The following AK5 variants were observed in gnomAD, a reference collection of about 807,000 sequenced individuals.
AK5 encodes adenylate kinase isoenzyme 5.
A neutral mutation model predicts 69.5 loss-of-function variants in AK5; 27 were observed. The ratio of observed to expected loss-of-function variants is 0.39; its 90% confidence interval spans 0.29 to 0.54. The LOEUF (loss-of-function observed/expected upper bound fraction) is 0.54. Among genes scored for constraint, AK5 ranks in the 20% least tolerant of loss-of-function variants. The pLI, the probability that AK5 is intolerant of heterozygous loss-of-function variation, is 0.71. For synonymous variants in AK5, 260 were observed against 244.4 expected, an observed-to-expected ratio of 1.06 and a Z score of -0.60; for missense variants, 531 against 700.4, an observed-to-expected ratio of 0.76 and a Z score of 2.73.
At chr1:77,305,699 A>G (rs961197840) in intron 5 of AK5, among the ~76,000 whole-genome samples, 1 of 152,082 alleles carries the variant, frequency 6.6e-6, no homozygotes, top group African/African-American at 2.4e-5. Flanking sequence ...TGATTGGTCT[A>G]TGTGTCTGTT....
At chr1:77,554,827 G>A (rs1454041617) in intron 13 of AK5, among the ~76,000 whole-genome samples, 6 of 146,304 alleles carry the variant, frequency 4.1e-5, no homozygotes, top group African/African-American at 7.6e-5. Context: ...CATGTTAGCC[G>A]GGATGGTCTC....
chr1:77,512,740 A>G (rs1347725119), intron 10 of AK5, among the ~76,000 whole-genome samples: 1 of 152,160 alleles, frequency 6.6e-6, no homozygotes, highest in African/African-American at 2.4e-5. Flanking sequence ...CACTATTCAC[A>G]ATAGCAAAGA....
chr1:77,549,964 T>TTTA (rs1557668948), intron 13 of AK5, among the ~76,000 whole-genome samples: 8 of 151,750 alleles, frequency 5.3e-5, no homozygotes, highest in Non-Finnish European at 1.0e-4. Flanking sequence ...TTATTTATTT[T>TTTA]TTTTTTTTAA....
chr1:77,312,904 C>T (rs1189311474), intron 5 of AK5, among the ~76,000 whole-genome samples: 3 of 151,984 alleles, frequency 2.0e-5, no homozygotes, highest in East Asian at 3.9e-4. Flanking sequence ...GGAGTGGTTT[C>T]GTGTCCCCAG....
intron 5 of AK5, among the ~76,000 whole-genome samples, chr1:77,304,959 G>A (rs1659555632): frequency 6.6e-6 from 1 of 152,090 alleles, no homozygotes; most frequent in Non-Finnish European, 1.5e-5. Flanking sequence ...CATAAACAGT[G>A]TACGAGGATT....
intron 6 of AK5, among the ~76,000 whole-genome samples, chr1:77,391,493 G>GTGTGTA (rs1557554379): frequency 6.2e-5 from 1 of 16,006 alleles, no homozygotes; most frequent in Non-Finnish European, 9.5e-5. Flanking sequence ...ATGTGTGTGT[G>GTGTGTA]TGTATATATA....
intron 8 of AK5, among the ~76,000 whole-genome samples, chr1:77,436,713 A>G (rs1651984511): frequency 6.6e-6 from 1 of 152,024 alleles, no homozygotes; most frequent in African/African-American, 2.4e-5. Flanking sequence ...TATACCATTT[A>G]CATTCACCTA....
intron 6 of AK5, among the ~76,000 whole-genome samples, chr1:77,376,455 A>AC (rs1017075008): frequency 2.3e-4 from 33 of 145,496 alleles, no homozygotes; most frequent in African/African-American, 7.2e-4. Context: ...AAAAAACAAA[A>AC]AAAAAAAACA....
chr1:77,364,587 T>A (rs1295407147), intron 6 of AK5, among the ~76,000 whole-genome samples: 2 of 152,190 alleles, frequency 1.3e-5, no homozygotes. Context: ...GAGATCAACT[T>A]TTTCAGCTTC....
chr1:77,322,405 G>C (rs1660580743), intron 5 of AK5, among the ~76,000 whole-genome samples: 2 of 151,962 alleles, frequency 1.3e-5, no homozygotes, highest in African/African-American at 4.8e-5. Flanking sequence ...ACTTTATCTG[G>C]CTTCAGGTGA....
At chr1:77,363,620 C>T (rs1646902306) in intron 6 of AK5, among the ~76,000 whole-genome samples, 1 of 152,090 alleles carries the variant, frequency 6.6e-6, no homozygotes, top group Non-Finnish European at 1.5e-5. Flanking sequence ...TCCTGCTTTC[C>T]TCTTTGTTTA....
chr1:77,380,327 C>A (rs1473460050), intron 6 of AK5, among the ~76,000 whole-genome samples: 1 of 152,136 alleles, frequency 6.6e-6, no homozygotes, highest in Non-Finnish European at 1.5e-5. Context: ...TATAGCCAAT[C>A]CTCTCAAAAT....
In AK5 at chr1:77,461,126, T is replaced by C. The variant is rs371241933; in HGVS notation, c.1060-22191T>C. ...TCGGCTCACTGCAAGCTCTGCCTCCTGGGTTCACACCATTCTCCTGCCTCA... is the reference window on the plus strand; with the variant it reads ...TCGGCTCACTGCAAGCTCTGCCTCCCGGGTTCACACCATTCTCCTGCCTCA... On this transcript the variant is annotated intron_variant, in intron 8 of 13. Coordinates refer to ENST00000354567, the MANE Select transcript of AK5 (RefSeq NM_174858.3). Among the ~76,000 whole-genome samples the C allele has an allele frequency of 2.6e-5, 4 of 151,172 alleles. No individual in the cohort carries two copies. In the South Asian group the frequency reaches 6.3e-4, roughly 24 times the overall value.
intron 8 of AK5, among the ~76,000 whole-genome samples, chr1:77,439,237 G>A (rs1372614482): frequency 6.6e-6 from 1 of 152,124 alleles, no homozygotes; most frequent in African/African-American, 2.4e-5. Context: ...TATTTAGGGA[G>A]GCAAAGGAAG....
intron 6 of AK5, among the ~76,000 whole-genome samples, chr1:77,393,614 C>T (rs183774620): frequency 1.3e-5 from 2 of 152,236 alleles, no homozygotes; most frequent in African/African-American, 4.8e-5. Flanking sequence ...AACCACTTGC[C>T]ACTTCCCAGT....
chr1:77,407,778 C>T (rs575375422), intron 6 of AK5, among the ~76,000 whole-genome samples: 1 of 152,220 alleles, frequency 6.6e-6, no homozygotes, highest in South Asian at 2.1e-4. Context: ...CTTTGTCCCC[C>T]ACCTTCCCTC....
Position 77,518,616 on chromosome 1 carries a change from T to G in AK5, c.1200T>G (p.Tyr400Ter). The G allele has an allele frequency of 6.2e-7, 1 of 1,614,194 alleles. No homozygotes were observed. Among genetic ancestry groups the G allele is most frequent in the Non-Finnish European group, 8.5e-7 (1 of 1,180,024 alleles). The change falls in exon 11 of 14, where the codon TAT becomes TAG. Residue 400 changes from tyrosine (Y) to a stop codon, truncating the protein, a stop_gained. Coordinates refer to ENST00000354567, the MANE Select transcript of AK5 (RefSeq NM_174858.3). LOFTEE classifies it high-confidence loss of function. ...GTQCEKLVEKYGFTHLSTGEL... is the reference protein window; with the variant it reads ...GTQCEKLVEK The stretch of plus-strand genomic sequence containing the variant: ...AGTGTGAAAAGCTGGTGGAAAAATA[T>G]GGATTTACACATCTCTCAACTGGCG...
rs1378707399 is a variant in AK5, at chr1:77,518,721, G to A, written c.1305G>A (p.Val435=). The stretch of plus-strand genomic sequence containing the variant: ...ACATTATGGAACGTGGAGACCTGGT[G>A]CCCTCAGTAAGCAACATGGCCTGAC... The part of the protein sequence containing the change: ...IRDIMERGDL[V]PSGIVLELLK... Residue 435 remains valine (V), a synonymous_variant, in exon 11 of 14, where the codon GTG becomes GTA. Transcript: ENST00000354567. 1 of 1,614,078 alleles carries A rather than the reference G, an allele frequency of 6.2e-7. No individual in the cohort carries two copies. Among genetic ancestry groups the A allele is most frequent in the Non-Finnish European group, 8.5e-7 (1 of 1,179,950 alleles).
At chr1:77,451,764 C>T (rs1210434443) in intron 8 of AK5, among the ~76,000 whole-genome samples, 3 of 152,170 alleles carry the variant, frequency 2.0e-5, no homozygotes, top group Non-Finnish European at 4.4e-5. Flanking sequence ...TATATTCTGT[C>T]GGCGATTGCC....
Sources: gnomAD v4.1 joint callset for allele counts (sites outside exome capture counted in the v4.1 genomes callset) on GRCh38, gnomAD v4.1.1 for gene constraint, MANE v1.5 for transcripts, NCBI Gene and HGNC (gene_info 2026-07-23, HGNC 2026-07-21) for gene names.